The following CD84 variants were observed in gnomAD, a reference collection of about 807,000 sequenced individuals.
The protein encoded by CD84 is SLAM family member 5.
CD84 carries 22 observed loss-of-function variants against 33.8 expected under a neutral mutation model. That is an observed-to-expected ratio of 0.65 (90% CI 0.46 to 0.93). The LOEUF (loss-of-function observed/expected upper bound fraction) is 0.93, where lower values mean the gene tolerates loss of function less well. CD84 is among the 40% of genes least tolerant of loss of function. The probability of loss-of-function intolerance (pLI) is 0.00; values close to 1 mark genes in which losing one functional copy is unlikely to be tolerated. For synonymous variants in CD84, 154 were observed against 145.2 expected (o/e 1.06, Z -0.44); for missense variants, 400 against 397.6 (o/e 1.01, Z -0.05).
intron 1 of CD84, among the ~76,000 whole-genome samples, chr1:160,569,258 T>G (rs1363165773): frequency 6.6e-6 from 1 of 152,210 alleles, no homozygotes; most frequent in Non-Finnish European, 1.5e-5. Context: ...ATAGACTTTA[T>G]TCTGCTCTTA....
intron 2 of CD84, among the ~76,000 whole-genome samples, chr1:160,564,141 G>A (rs956891047): frequency 1.3e-5 from 2 of 152,114 alleles, no homozygotes; most frequent in African/African-American, 4.8e-5. Flanking sequence ...GTGAATTGTG[G>A]CAATTATAAT....
chr1:160,564,804 TG>T (rs1657214990), intron 2 of CD84, among the ~76,000 whole-genome samples: 1 of 152,156 alleles, frequency 6.6e-6, no homozygotes, highest in Non-Finnish European at 1.5e-5. Flanking sequence ...GAGGGAATCT[TG>T]TGATGGTTAA....
rs568309594 is a variant in CD84, at chr1:160,572,883, A to G, written c.46+6509T>C. On this transcript the variant is annotated intron_variant, in intron 1 of 6. Coordinates refer to ENST00000368054, the MANE Select transcript of CD84 (RefSeq NM_003874.4). ...GGTAGCTATGGCAAAGAGGGAGCCC[A>G]GGACTCAGGGAGCAGGATGACCAGT... Among the ~76,000 whole-genome samples the G allele has an allele frequency of 5.7e-4, 87 of 152,320 alleles. 2 individuals are homozygous for G. Among genetic ancestry groups the G allele is most frequent in the Non-Finnish European group, 1.1e-3 (73 of 68,026 alleles).
chr1:160,554,296 GATA>G (rs1656457434), intron 2 of CD84, 150 bp from the exon 3 acceptor site: 1 of 917,632 alleles, frequency 1.1e-6, no homozygotes, highest in Non-Finnish European at 1.5e-6. Flanking sequence ...TAAAAATAAA[GATA>G]ATAAATCCTC....
Position 160,554,080 on chromosome 1 carries a change from G to T in CD84, c.455C>A (p.Thr152Lys). 1 of 1,614,162 alleles carries T rather than the reference G, an allele frequency of 6.2e-7. No individual in the cohort carries two copies. Among genetic ancestry groups the T allele is most frequent in the Non-Finnish European group, 8.5e-7 (1 of 1,180,028 alleles). ...MASVNSTCNVTLTCSVEKEEK... is the reference protein window; with the variant it reads ...MASVNSTCNVKLTCSVEKEEK... The stretch of plus-strand genomic sequence containing the variant: ...TTCTTTCTCTACAGAGCATGTCAGT[G>T]TGACATTACAGGTGCTGTTCACAGA... Residue 152 changes from threonine (T) to lysine (K), a missense_variant, in exon 3 of 7, where the codon ACA (threonine) becomes AAA (lysine). Thr to Lys is a moderately conservative substitution (Grantham distance 78, BLOSUM62 -1). Coordinates refer to ENST00000368054, the MANE Select transcript of CD84 (RefSeq NM_003874.4).
At chr1:160,548,447 G>A (rs745671991) in intron 6 of CD84, 126 bp from the exon 7 acceptor site, 10 of 886,956 alleles carry the variant, frequency 1.1e-5, no homozygotes, top group Non-Finnish European at 1.8e-5. Flanking sequence ...CCTCATGCTG[G>A]GGAAATCTGG....
intron 1 of CD84, among the ~76,000 whole-genome samples, chr1:160,569,737 T>C (rs557447459): frequency 1.3e-5 from 2 of 152,278 alleles, no homozygotes; most frequent in East Asian, 3.9e-4. Flanking sequence ...AATAGAATTC[T>C]ACTTGATGGA....
chr1:160,542,163 G>A lies in CD84; in HGVS notation c.*6093C>T, dbSNP rs1340790601. On this transcript the variant is annotated 3_prime_UTR_variant, in exon 7 of 7. Coordinates refer to ENST00000368054, the MANE Select transcript of CD84 (RefSeq NM_003874.4). ...TTTCTATTTACTAGGATGAGCTACT[G>A]TGATTCAGCCTTAAAGACTTCACCT... 1 of 152,224 alleles carries A rather than the reference G, an allele frequency of 6.6e-6. No individual in the cohort carries two copies. The highest frequency in any genetic ancestry group is 2.4e-5 in the African/African-American group (1 of 41,464). 9.4% of individuals were successfully genotyped at this position (152,224 alleles called of 1,614,324 possible). A position where few individuals can be genotyped will look rare whatever the true frequency, so the allele number is the denominator to read the frequency against.
intron 6 of CD84, among the ~76,000 whole-genome samples, 188 bp from the exon 7 acceptor site, chr1:160,548,509 C>G (rs1003415824): frequency 1.3e-5 from 2 of 152,122 alleles, no homozygotes; most frequent in African/African-American, 2.4e-5. Context: ...TCCAGCTACC[C>G]CCCATTTGGG....
chr1:160,569,536 ACACACGCACGCACG>A (rs1199239400), intron 1 of CD84, among the ~76,000 whole-genome samples: 3 of 93,756 alleles, frequency 3.2e-5, no homozygotes, highest in African/African-American at 9.5e-5. Flanking sequence ...ACACACACAC[ACACACGCACGCACG>A]CACGCACGCA....
chr1:160,547,242 C>T lies in CD84; in HGVS notation c.*1014G>A, dbSNP rs1485665206. The T allele has an allele frequency of 1.0e-5, 4 of 398,480 alleles. No homozygotes were observed. The highest frequency in any genetic ancestry group is 1.8e-5 in the Non-Finnish European group (4 of 226,066). 24.7% of individuals were successfully genotyped at this position (398,480 alleles called of 1,614,324 possible). On this transcript the variant is annotated 3_prime_UTR_variant, in exon 7 of 7. Coordinates refer to ENST00000368054, the MANE Select transcript of CD84 (RefSeq NM_003874.4). Reference sequence around the variant, plus strand: ...CATCTGCACCATCATCTCCCAAGTTCCTTCTGGAGAATGACTCTGCTTCTT... The same window carrying T: ...CATCTGCACCATCATCTCCCAAGTTTCTTCTGGAGAATGACTCTGCTTCTT...
intron 1 of CD84, among the ~76,000 whole-genome samples, chr1:160,577,612 G>A (rs1335882756): frequency 6.6e-6 from 1 of 152,102 alleles, no homozygotes; most frequent in Non-Finnish European, 1.5e-5. Context: ...ACAATTCCCT[G>A]ACAGAGGAGT....
In CD84 at chr1:160,565,591, G is replaced by C; in HGVS notation, c.201C>G (p.Asp67Glu). 6.2e-7 allele frequency: 1 copy of C among 1,613,984 alleles called. No individual in the cohort carries two copies. Among genetic ancestry groups the C allele is most frequent in the Non-Finnish European group, 8.5e-7 (1 of 1,179,904 alleles). Residue 67 changes from aspartate (D) to glutamate (E), a missense_variant, in exon 2 of 7, where the codon GAC becomes GAG. By Grantham distance (45) the Asp-to-Glu change is conservative. Coordinates refer to ENST00000368054, the MANE Select transcript of CD84 (RefSeq NM_003874.4). ...KTSVAYVTPG[D>E]SETAPVVTVT... ...CAGTAACTACGGGTGCTGTTTCTGAGTCTCCTGGTGTTACATAAGCAACAG... is the reference window on the plus strand; with the variant it reads ...CAGTAACTACGGGTGCTGTTTCTGACTCTCCTGGTGTTACATAAGCAACAG...
chr1:160,555,675 G>A (rs1402653987), intron 2 of CD84, among the ~76,000 whole-genome samples: 1 of 152,206 alleles, frequency 6.6e-6, no homozygotes. Context: ...TAAGTTCAGC[G>A]CCCTCTCAGC....
rs534972606 is a variant in CD84 at position 160,548,598 on chromosome 1, T to TTTGA, written c.922-281_922-278dup. Among the ~76,000 whole-genome samples, 158 of 152,146 alleles carry TTTGA rather than the reference T, an allele frequency of 1.0e-3. 1 individual carries two copies. The highest frequency in any genetic ancestry group is 3.7e-3 in the African/African-American group (153 of 41,506). On this transcript the variant is annotated intron_variant, in intron 6 of 6. Coordinates refer to ENST00000368054, the MANE Select transcript of CD84 (RefSeq NM_003874.4). ...GGGCGGGGGCATATTTGGAATGGATTTTGATTATAGACTTGAGGCAACATT... is the reference window on the plus strand; with the variant it reads ...GGGCGGGGGCATATTTGGAATGGATTTTGATTGATTATAGACTTGAGGCAACATT...
At chr1:160,575,449 A>G (rs774516836) in intron 1 of CD84, among the ~76,000 whole-genome samples, 7 of 151,798 alleles carry the variant, frequency 4.6e-5, no homozygotes, top group Non-Finnish European at 1.0e-4. Context: ...TTTACTTTAT[A>G]TCACCTTTAT....
At position 160,546,004 on chromosome 1, in the gene CD84, C is replaced by CT. The variant is rs1557964913; in HGVS notation, c.*2251_*2252insA. 7.0e-6 allele frequency: 1 copy of CT among 143,622 alleles called. No individual in the cohort carries two copies. The highest frequency in any genetic ancestry group is 1.5e-5 in the Non-Finnish European group (1 of 65,014). The allele number at this position is 143,622 out of a possible 1,614,324, so 8.9% of individuals were successfully genotyped here. On this transcript the variant is annotated 3_prime_UTR_variant, in exon 7 of 7. Transcript: ENST00000368054. Reference sequence around the variant, plus strand: ...TTGGCTTCTATCTTTTTTTTTTTTTCGAGATGGAGTCTCACTCTGTCTCTC... The same window carrying CT: ...TTGGCTTCTATCTTTTTTTTTTTTTCTGAGATGGAGTCTCACTCTGTCTCTC...
At chr1:160,570,109 G>T (rs968435292) in intron 1 of CD84, among the ~76,000 whole-genome samples, 6 of 152,154 alleles carry the variant, frequency 3.9e-5, no homozygotes, top group Non-Finnish European at 7.3e-5. Context: ...GGAAGGGCTG[G>T]ATTTGATGAT....
chr1:160,569,139 C>A (rs58500060), intron 1 of CD84, among the ~76,000 whole-genome samples: 2,549 of 152,296 alleles, frequency 0.017, 87 homozygotes, highest in African/African-American at 0.058. Flanking sequence ...CCCTAGGCCA[C>A]CCTTATGATG....
Sources: allele counts gnomAD v4.1 joint callset (sites outside exome capture counted in the v4.1 genomes callset), GRCh38; gene constraint gnomAD v4.1.1; transcripts MANE v1.5; gene names NCBI Gene and HGNC (gene_info 2026-07-23, HGNC 2026-07-21).